ZNF804B: variants seen among roughly 807,000 people sequenced by gnomAD.
The protein encoded by ZNF804B is zinc finger protein 804B, also known as zinc finger 804B.
A neutral mutation model predicts 101.4 loss-of-function variants in ZNF804B; 80 were observed. The ratio of observed to expected loss-of-function variants is 0.79; its 90% confidence interval spans 0.66 to 0.95. The LOEUF (loss-of-function observed/expected upper bound fraction) is 0.95. Ranked by LOEUF, ZNF804B falls within the 40% of genes least tolerant of loss-of-function variation. The pLI, the probability that ZNF804B is intolerant of heterozygous loss-of-function variation, is 0.00. For missense variants in ZNF804B, 1,673 were observed against 1,561.9 expected (o/e 1.07, Z -1.20); for synonymous variants, 622 against 558.8 (o/e 1.11, Z -1.59).
At chr7:89,116,882 A>G (rs1012113917) in intron 1 of ZNF804B, among the ~76,000 whole-genome samples, 1 of 152,208 alleles carries the variant, frequency 6.6e-6, no homozygotes, top group African/African-American at 2.4e-5. Flanking sequence ...ATATTACTTT[A>G]TGTGGCAAAT....
chr7:89,063,638 A>G (rs1338980452), intron 1 of ZNF804B, among the ~76,000 whole-genome samples: 2 of 152,164 alleles, frequency 1.3e-5, no homozygotes, highest in East Asian at 3.9e-4. Flanking sequence ...GAATAGCTTC[A>G]TGTGAAGAAA....
At position 89,218,155 on chromosome 7, in the gene ZNF804B, G is replaced by T. The variant is rs1176316789; in HGVS notation, c.109G>T (p.Asp37Tyr). 1.9e-6 allele frequency: 3 copies of T among 1,609,554 alleles called. No homozygotes were observed. Among genetic ancestry groups the T allele is most frequent in the Admixed American group, 1.7e-5 (1 of 58,884 alleles). ...AACATTTATGTATTTTTTCTTAAAG[G>T]ATTTTGCAGAAAAGAAGTCCACAGC... ...PLCKNGSPSP[D>Y]FAEKKSTAKA... Residue 37 changes from aspartate to tyrosine, a missense_variant and splice_region_variant, in exon 2 of 4, where the codon GAT becomes TAT. Transcript: ENST00000333190.
At chr7:89,210,649 T>C (rs937716405) in intron 1 of ZNF804B, among the ~76,000 whole-genome samples, 1 of 152,190 alleles carries the variant, frequency 6.6e-6, no homozygotes, top group Non-Finnish European at 1.5e-5. Flanking sequence ...TTCCACTCCA[T>C]CCATGTCCCT....
rs191633669 is a variant in ZNF804B, at chr7:89,043,894, T to C, written c.109-174261T>C. 3.1e-3 allele frequency among the ~76,000 whole-genome samples: 477 copies of C among 152,166 alleles called. 8 individuals are homozygous for C. The highest frequency in any genetic ancestry group is 0.011 in the African/African-American group (456 of 41,498). On this transcript the variant is annotated intron_variant, in intron 1 of 3. Coordinates refer to ENST00000333190, the MANE Select transcript of ZNF804B (RefSeq NM_181646.5). ...TTCAGTGAATATATATTAAGAGATA[T>C]CAGGAGCTAAAGTAAGTTAATAGAA...
chr7:89,306,936 G>T lies in ZNF804B; in HGVS notation c.250-20408G>T, dbSNP rs532380258. Among the ~76,000 whole-genome samples, 185 of 152,038 alleles carry T rather than the reference G, an allele frequency of 1.2e-3. 1 individual carries two copies. Among genetic ancestry groups the T allele is most frequent in the Non-Finnish European group, 1.1e-3 (77 of 67,892 alleles). On this transcript the variant is annotated intron_variant, in intron 2 of 3. Transcript: ENST00000333190. The stretch of plus-strand genomic sequence containing the variant: ...GAGATGCATTTTTAGATGTGGAACT[G>T]CAGAATGAGGATGATGATACATATA...
chr7:88,983,525 T>A (rs1197862180), intron 1 of ZNF804B, among the ~76,000 whole-genome samples: 1 of 151,794 alleles, frequency 6.6e-6, no homozygotes, highest in Non-Finnish European at 1.5e-5. Flanking sequence ...CTGCAGCCAC[T>A]ATGCACATGT....
At chr7:89,300,187 G>T (rs1790452479) in intron 2 of ZNF804B, among the ~76,000 whole-genome samples, 1 of 151,496 alleles carries the variant, frequency 6.6e-6, no homozygotes, top group South Asian at 2.1e-4. Flanking sequence ...TCATACCACT[G>T]TATAGTTCAA....
intron 1 of ZNF804B, among the ~76,000 whole-genome samples, chr7:88,848,517 A>C (rs1226289922): frequency 6.6e-6 from 1 of 152,152 alleles, no homozygotes; most frequent in Middle Eastern, 3.2e-3. Context: ...CATCAGTCTC[A>C]GGGAAGAAAC....
At chr7:88,877,026 A>AATATATATATATATATATATATATAATAT (rs1231449305) in intron 1 of ZNF804B, among the ~76,000 whole-genome samples, 1 of 41,096 alleles carries the variant, frequency 2.4e-5, no homozygotes, top group Non-Finnish European at 3.5e-5. Flanking sequence ...ATATATATAT[A>AATATATATATATATATATATATATAATAT]ATATATATAT....
chr7:89,224,267 A>G (rs1160968872), intron 2 of ZNF804B, among the ~76,000 whole-genome samples: 2 of 152,018 alleles, frequency 1.3e-5, no homozygotes, highest in Non-Finnish European at 2.9e-5. Flanking sequence ...GCTTCACAAT[A>G]GGATTTATTT....
At chr7:88,937,913 T>C (rs1459964006) in intron 1 of ZNF804B, among the ~76,000 whole-genome samples, 1 of 151,970 alleles carries the variant, frequency 6.6e-6, no homozygotes, top group Non-Finnish European at 1.5e-5. Flanking sequence ...GTGTAAAATA[T>C]TGGAAGAGAT....
At chr7:89,234,788 G>C (rs34287298) in intron 2 of ZNF804B, among the ~76,000 whole-genome samples, 18,603 of 152,122 alleles carry the variant, frequency 0.12, 1,222 homozygotes, top group Middle Eastern at 0.25. Context: ...GCCTCCTGGG[G>C]TCTCTCGGGT....
intron 1 of ZNF804B, among the ~76,000 whole-genome samples, chr7:89,152,452 A>C (rs753063236): frequency 2.0e-5 from 3 of 152,038 alleles, no homozygotes; most frequent in African/African-American, 4.8e-5. Flanking sequence ...TTCAATTAAA[A>C]TTAAAACATT....
chr7:88,788,918 A>G (rs1243990176), intron 1 of ZNF804B, among the ~76,000 whole-genome samples: 1 of 152,160 alleles, frequency 6.6e-6, no homozygotes, highest in Non-Finnish European at 1.5e-5. Flanking sequence ...AACTAATTCT[A>G]TAAATATTCA....
intron 1 of ZNF804B, among the ~76,000 whole-genome samples, chr7:89,007,966 A>G (rs536671970): frequency 4.7e-4 from 71 of 152,232 alleles, no homozygotes; most frequent in Admixed American, 4.7e-3. Context: ...AATTTATCAG[A>G]TGTAATTTAT....
chr7:88,993,651 G>A (rs558838192), intron 1 of ZNF804B, among the ~76,000 whole-genome samples: 57 of 151,982 alleles, frequency 3.8e-4, no homozygotes, highest in Non-Finnish European at 6.2e-4. Flanking sequence ...CCAGAATTAA[G>A]CATTCGTTTA....
intron 1 of ZNF804B, among the ~76,000 whole-genome samples, chr7:89,158,458 C>G (rs968922465): frequency 3.9e-5 from 6 of 152,080 alleles, no homozygotes; most frequent in Admixed American, 6.6e-5. Context: ...CTTTTCCGGT[C>G]TCAGGACCAT....
chr7:89,304,125 A>G (rs1790524649), intron 2 of ZNF804B, among the ~76,000 whole-genome samples: 1 of 151,910 alleles, frequency 6.6e-6, no homozygotes, highest in African/African-American at 2.4e-5. Context: ...TATAATCCAC[A>G]AATGTCTTTC....
At chr7:88,944,334 G>T (rs1426067722) in intron 1 of ZNF804B, among the ~76,000 whole-genome samples, 1 of 151,526 alleles carries the variant, frequency 6.6e-6, no homozygotes. Context: ...ATTTTTGTTT[G>T]CATTTTCTAA....
Sources: gnomAD v4.1 joint callset for allele counts (sites outside exome capture counted in the v4.1 genomes callset) on GRCh38, gnomAD v4.1.1 for gene constraint, MANE v1.5 for transcripts, NCBI Gene and HGNC (gene_info 2026-07-23, HGNC 2026-07-21) for gene names.